PLD5: variants seen among roughly 807,000 people sequenced by gnomAD.
The protein encoded by PLD5 is inactive phospholipase D5.
A neutral mutation model predicts 61.1 loss-of-function variants in PLD5; 36 were observed. The ratio of observed to expected loss-of-function variants is 0.59; its 90% confidence interval spans 0.45 to 0.78. PLD5 has a LOEUF of 0.78. Among genes scored for constraint, PLD5 ranks in the 30% least tolerant of loss-of-function variants. The pLI, the probability that PLD5 is intolerant of heterozygous loss-of-function variation, is 0.00. For synonymous variants in PLD5, 243 were observed against 242.8 expected (o/e 1.00, Z -0.01); for missense variants, 515 against 644.4 (o/e 0.80, Z 2.17).
intron 5 of PLD5, among the ~76,000 whole-genome samples, chr1:242,159,400 G>C (rs976140305): frequency 6.6e-6 from 1 of 152,110 alleles, no homozygotes; most frequent in Non-Finnish European, 1.5e-5. Context: ...CTCAGGTTAG[G>C]TCTCTCCTTT....
intron 1 of PLD5, among the ~76,000 whole-genome samples, chr1:242,483,911 A>C (rs1360733011): frequency 1.3e-5 from 2 of 151,806 alleles, no homozygotes; most frequent in African/African-American, 4.9e-5. Flanking sequence ...AAACTCACTC[A>C]AAACCACTCA....
chr1:242,204,762 G>A lies in PLD5; in HGVS notation c.735+15226C>T, dbSNP rs138600281. Among the ~76,000 whole-genome samples, 245 of 152,234 alleles carry A rather than the reference G, an allele frequency of 1.6e-3. 4 individuals are homozygous for A. Among genetic ancestry groups the A allele is most frequent in the African/African-American group, 4.9e-3 (205 of 41,536 alleles). ...TGTAGAGATGAGCGAATGGAATTTA[G>A]GGATGTGAAATAACTTGCCCTGGGT... On this transcript the variant is annotated intron_variant, in intron 5 of 9. Transcript: ENST00000536534.
chr1:242,456,141 A>G (rs1279776852), intron 1 of PLD5, among the ~76,000 whole-genome samples: 1 of 152,190 alleles, frequency 6.6e-6, no homozygotes. Context: ...CCAAGGTTGG[A>G]GTGGATCTGT....
At chr1:242,438,748 T>A (rs182062718) in intron 1 of PLD5, among the ~76,000 whole-genome samples, 37 of 152,276 alleles carry the variant, frequency 2.4e-4, no homozygotes, top group African/African-American at 8.9e-4. Context: ...TTTAACCATT[T>A]GCAGAAGTAG....
intron 1 of PLD5, among the ~76,000 whole-genome samples, chr1:242,503,899 T>G (rs1668638373): frequency 6.6e-6 from 1 of 152,196 alleles, no homozygotes; most frequent in Non-Finnish European, 1.5e-5. Flanking sequence ...ACGATGCTGT[T>G]AAGCTGCTGA....
chr1:242,350,231 C>T (rs1660397433), intron 1 of PLD5, among the ~76,000 whole-genome samples: 1 of 152,060 alleles, frequency 6.6e-6, no homozygotes, highest in Non-Finnish European at 1.5e-5. Flanking sequence ...TGTATATAAG[C>T]TACCGAGTTT....
At chr1:242,321,933 C>T (rs892913828) in intron 2 of PLD5, among the ~76,000 whole-genome samples, 3 of 152,172 alleles carry the variant, frequency 2.0e-5, no homozygotes, top group African/African-American at 7.2e-5. Context: ...CTGAAAACCT[C>T]ACCATAGTTA....
At chr1:242,282,523 A>G (rs1194061227) in intron 3 of PLD5, among the ~76,000 whole-genome samples, 2 of 152,232 alleles carry the variant, frequency 1.3e-5, no homozygotes, top group East Asian at 3.9e-4. Context: ...AAATCAAACA[A>G]TTCTGATGTA....
At chr1:242,500,716 A>G (rs1463997035) in intron 1 of PLD5, among the ~76,000 whole-genome samples, 3 of 152,178 alleles carry the variant, frequency 2.0e-5, no homozygotes, top group Non-Finnish European at 4.4e-5. Context: ...TACAGAGCCC[A>G]GGAGCCTAAA....
At chr1:242,200,788 C>T (rs1574502038) in intron 5 of PLD5, among the ~76,000 whole-genome samples, 1 of 152,266 alleles carries the variant, frequency 6.6e-6, no homozygotes, top group Admixed American at 6.5e-5. Context: ...CTGCATCTCA[C>T]GCAGGGGTGC....
intron 4 of PLD5, among the ~76,000 whole-genome samples, chr1:242,246,599 G>A (rs1042539321): frequency 6.6e-6 from 1 of 151,640 alleles, no homozygotes; most frequent in African/African-American, 2.4e-5. Context: ...TGTAAAACTA[G>A]ATTATCTTTG....
chr1:242,305,307 G>A (rs1456731051), intron 2 of PLD5, among the ~76,000 whole-genome samples: 1 of 152,206 alleles, frequency 6.6e-6, no homozygotes, highest in Non-Finnish European at 1.5e-5. Context: ...ACTGGTACCA[G>A]ATGCTATTTT....
chr1:242,295,680 T>C lies in PLD5; in HGVS notation c.327-7150A>G, dbSNP rs138532374. On this transcript the variant is annotated intron_variant, in intron 2 of 9. Transcript: ENST00000536534. ...CCAGTGATGGAATTGCTGGGTCAAA[T>C]AGTAATTCTATTTTTAGTTTGCTGA... is the stretch of plus-strand genomic sequence containing the variant. 7.0e-3 allele frequency among the ~76,000 whole-genome samples: 1,072 copies of C among 152,316 alleles called. 20 individuals are homozygous for C. Among genetic ancestry groups the C allele is most frequent in the African/African-American group, 0.025 (1,031 of 41,562 alleles).
At chr1:242,407,949 A>C (rs981063923) in intron 1 of PLD5, among the ~76,000 whole-genome samples, 2 of 152,196 alleles carry the variant, frequency 1.3e-5, no homozygotes, top group Non-Finnish European at 2.9e-5. Context: ...TTACTTAATA[A>C]GTCTTTGAGA....
At chr1:242,099,862 C>T (rs1217123823) in intron 9 of PLD5, among the ~76,000 whole-genome samples, 3 of 152,194 alleles carry the variant, frequency 2.0e-5, no homozygotes, top group Admixed American at 1.3e-4. Context: ...ACAATGTAAT[C>T]ACTACACTGC....
At position 242,256,256 on chromosome 1, in the gene PLD5, C is replaced by T. The variant is rs1673007247; in HGVS notation, c.607+9081G>A. 6.6e-6 allele frequency among the ~76,000 whole-genome samples: 1 copy of T among 151,950 alleles called. No individual in the cohort carries two copies. ...CACCCCAAGAGCATGCTTTGTATTG[C>T]CTTTATAAACAAAAAGTAACAGAAA... On this transcript the variant is annotated intron_variant, in intron 4 of 9. Coordinates refer to ENST00000536534, the MANE Select transcript of PLD5 (RefSeq NM_001372062.1). The surrounding 1 kb of genome is among the most constrained non-coding windows in gnomAD (Gnocchi z 5.7).
chr1:242,455,021 T>C (rs2102929252), intron 1 of PLD5, among the ~76,000 whole-genome samples: 1 of 152,328 alleles, frequency 6.6e-6, no homozygotes, highest in East Asian at 1.9e-4. Flanking sequence ...GAGAAATGAC[T>C]TTTTAATCAC....
chr1:242,091,824 CTTTTTTTCTT>C (rs1245756220), intron 9 of PLD5, among the ~76,000 whole-genome samples: 10 of 144,656 alleles, frequency 6.9e-5, no homozygotes, highest in Non-Finnish European at 1.5e-4. Context: ...CTTTTCTTTT[CTTTTTTTCTT>C]TTTTTTTTTT....
Position 242,445,631 on chromosome 1 carries a change from C to T in PLD5, c.189+78457G>A, listed in dbSNP as rs180877521. On this transcript the variant is annotated intron_variant, in intron 1 of 9. Transcript: ENST00000536534. ...TGCTGAGATTACAGGCATGAGCCAC[C>T]GCGCCTGGCAAATTTCTGTTGCTTT... 2.2e-3 allele frequency among the ~76,000 whole-genome samples: 337 copies of T among 152,232 alleles called. 3 individuals carry two copies. The highest frequency in any genetic ancestry group is 6.8e-3 in the African/African-American group (283 of 41,546).
Sources: allele counts gnomAD v4.1 joint callset (sites outside exome capture counted in the v4.1 genomes callset), GRCh38; gene constraint gnomAD v4.1.1; non-coding constraint Gnocchi (gnomAD v3.1); transcripts MANE v1.5; gene names NCBI Gene and HGNC (gene_info 2026-07-23, HGNC 2026-07-21).